GPC5: variants seen among roughly 807,000 people sequenced by gnomAD.
GPC5 encodes glypican-5.
GPC5 carries 47 observed loss-of-function variants against 53.9 expected under a neutral mutation model. The ratio of observed to expected loss-of-function variants is 0.87; its 90% CI spans 0.69 to 1.11. GPC5 has a LOEUF of 1.11. Ranked by LOEUF, GPC5 falls within the 50% of genes most tolerant of loss-of-function variation. GPC5 has a pLI of 0.00. For missense variants in GPC5, 748 were observed against 713.1 expected (o/e 1.05, Z -0.56); for synonymous variants, 286 against 263.3 (o/e 1.09, Z -0.84).
intron 7 of GPC5, among the ~76,000 whole-genome samples, chr13:92,254,401 G>T (rs1594040053): frequency 6.6e-6 from 1 of 152,122 alleles, no homozygotes; most frequent in East Asian, 1.9e-4. Flanking sequence ...AGTTTGTATA[G>T]ATTCACATTA....
intron 7 of GPC5, among the ~76,000 whole-genome samples, chr13:92,443,148 G>A (rs969867479): frequency 2.0e-5 from 3 of 152,190 alleles, no homozygotes; most frequent in Non-Finnish European, 4.4e-5. Context: ...GTCACATGGT[G>A]TGAGAGCAAG....
At chr13:92,088,971 C>T (rs936242735) in intron 6 of GPC5, among the ~76,000 whole-genome samples, 1 of 152,042 alleles carries the variant, frequency 6.6e-6, no homozygotes, top group African/African-American at 2.4e-5. Flanking sequence ...TTCATAAATG[C>T]CACCATTACA....
intron 7 of GPC5, among the ~76,000 whole-genome samples, chr13:92,488,954 G>T (rs1879659754): frequency 6.6e-6 from 1 of 152,144 alleles, no homozygotes; most frequent in Non-Finnish European, 1.5e-5. Flanking sequence ...GTAAATTTCA[G>T]GGGAATGGTT....
At chr13:92,853,568 A>G (rs1878886098) in intron 7 of GPC5, among the ~76,000 whole-genome samples, 1 of 152,188 alleles carries the variant, frequency 6.6e-6, no homozygotes, top group African/African-American at 2.4e-5. Context: ...AACAAAAACA[A>G]TAACACAAGT....
At chr13:91,598,257 G>T (rs2033062945) in intron 2 of GPC5, among the ~76,000 whole-genome samples, 1 of 151,996 alleles carries the variant, frequency 6.6e-6, no homozygotes, top group Admixed American at 6.6e-5. Flanking sequence ...GTAGAAACTA[G>T]CTTGTAAAGT....
intron 7 of GPC5, among the ~76,000 whole-genome samples, chr13:92,610,220 A>G (rs11840882): frequency 0.027 from 4,138 of 152,228 alleles, 196 homozygotes; most frequent in African/African-American, 0.095. Context: ...TTGATTATCT[A>G]GAGAACAACT....
At chr13:92,087,912 A>G (rs1441518353) in intron 6 of GPC5, among the ~76,000 whole-genome samples, 2 of 151,780 alleles carry the variant, frequency 1.3e-5, no homozygotes, top group Non-Finnish European at 2.9e-5. Context: ...TCTTTTTGTT[A>G]TGCTATTCTC....
intron 7 of GPC5, among the ~76,000 whole-genome samples, chr13:92,803,244 A>G (rs1375216231): frequency 6.6e-6 from 1 of 151,932 alleles, no homozygotes; most frequent in Non-Finnish European, 1.5e-5. Context: ...TATTTTAATC[A>G]GTGGATAAAT....
intron 7 of GPC5, among the ~76,000 whole-genome samples, chr13:92,513,767 A>C (rs1021228763): frequency 6.6e-6 from 1 of 152,114 alleles, no homozygotes; most frequent in Non-Finnish European, 1.5e-5. Context: ...CACAATATTT[A>C]TGTTTTATAT....
chr13:92,479,759 T>C (rs1430895358), intron 7 of GPC5, among the ~76,000 whole-genome samples: 1 of 152,204 alleles, frequency 6.6e-6, no homozygotes, highest in African/African-American at 2.4e-5. Context: ...GCACACAAAG[T>C]GATTGACATC....
chr13:92,692,949 G>T (rs542395332), intron 7 of GPC5, among the ~76,000 whole-genome samples: 1 of 151,772 alleles, frequency 6.6e-6, no homozygotes, highest in Non-Finnish European at 1.5e-5. Context: ...CTGGTGGGAG[G>T]TGATTAAATC....
chr13:91,898,824 G>A (rs1407194426), intron 5 of GPC5, among the ~76,000 whole-genome samples: 2 of 151,884 alleles, frequency 1.3e-5, no homozygotes, highest in Admixed American at 6.6e-5. Flanking sequence ...TAAAATAAGA[G>A]AACTGATTGC....
intron 3 of GPC5, chr13:91,725,002 A>T (rs145603183): frequency 6.6e-6 from 1 of 152,382 alleles, no homozygotes; most frequent in East Asian, 1.9e-4. Context: ...GACTGAGTGC[A>T]CAGTTGGGGG....
chr13:91,648,875 CG>C, intron 2 of GPC5, among the ~76,000 whole-genome samples: 1 of 152,238 alleles, frequency 6.6e-6, no homozygotes, highest in East Asian at 1.9e-4. Context: ...CAGTACAGTG[CG>C]GTATCAAGAG....
chr13:91,888,758 T>C (rs1185282491), intron 5 of GPC5, among the ~76,000 whole-genome samples: 1 of 152,150 alleles, frequency 6.6e-6, no homozygotes, highest in Non-Finnish European at 1.5e-5. Flanking sequence ...TGCAAGTTGC[T>C]TATCAGTAGT....
intron 7 of GPC5, among the ~76,000 whole-genome samples, chr13:92,810,066 C>T (rs1004123626): frequency 4.6e-5 from 7 of 151,864 alleles, no homozygotes; most frequent in African/African-American, 1.5e-4. Flanking sequence ...TAATGAATGC[C>T]CCCTTCTACG....
At chr13:92,268,756 T>C (rs889161088) in intron 7 of GPC5, among the ~76,000 whole-genome samples, 1 of 152,116 alleles carries the variant, frequency 6.6e-6, no homozygotes, top group Non-Finnish European at 1.5e-5. Flanking sequence ...CTTTGCTTTA[T>C]GTCTAAACAG....
chr13:91,668,736 C>A (rs1485359983), intron 2 of GPC5, among the ~76,000 whole-genome samples: 1 of 152,086 alleles, frequency 6.6e-6, no homozygotes. Context: ...CCAGTTGGTT[C>A]TTATTAATCA....
intron 7 of GPC5, among the ~76,000 whole-genome samples, chr13:92,440,806 G>A (rs1023089071): frequency 6.6e-6 from 1 of 152,074 alleles, no homozygotes; most frequent in Non-Finnish European, 1.5e-5. Flanking sequence ...GTGTGAAATG[G>A]TATCTTATTG....
Sources: gnomAD v4.1 joint callset for allele counts (sites outside exome capture counted in the v4.1 genomes callset) on GRCh38, gnomAD v4.1.1 for gene constraint, MANE v1.5 for transcripts, NCBI Gene and HGNC (gene_info 2026-07-23, HGNC 2026-07-21) for gene names.